Variants in SDK1 observed in about 807,000 individuals in gnomAD.
SDK1 encodes the protein sidekick cell adhesion molecule 1.
A neutral mutation model predicts 245.5 loss-of-function variants in SDK1; 157 were observed. That is an observed-to-expected ratio of 0.64 (90% CI 0.56 to 0.73). The LOEUF (loss-of-function observed/expected upper bound fraction) is 0.73. Ranked by LOEUF, SDK1 falls within the 30% of genes least tolerant of loss-of-function variation. The probability of loss-of-function intolerance (pLI) is 0.00; values close to 1 mark genes in which losing one functional copy is unlikely to be tolerated. For synonymous variants in SDK1, 1,647 were observed against 1,278.5 expected, an observed-to-expected ratio of 1.29 and a Z score of -6.15; for missense variants, 3,583 against 3,002.3, an observed-to-expected ratio of 1.19 and a Z score of -4.52.
At chr7:3,576,015 C>T (rs1425509373) in intron 1 of SDK1, among the ~76,000 whole-genome samples, 1 of 151,796 alleles carries the variant, frequency 6.6e-6, no homozygotes, top group East Asian at 1.9e-4. Context: ...TTTACCTGGA[C>T]TATGTTCAAA....
intron 5 of SDK1, among the ~76,000 whole-genome samples, chr7:3,918,398 G>C (rs1246740799): frequency 6.6e-6 from 1 of 152,156 alleles, no homozygotes; most frequent in Non-Finnish European, 1.5e-5. Context: ...TCTCGTAATA[G>C]CACGAACCCT....
At position 4,067,876 on chromosome 7, in the gene SDK1, T is replaced by C; in HGVS notation, c.2950T>C (p.Leu984=). 1 of 1,613,460 alleles carries C rather than the reference T, an allele frequency of 6.2e-7. No individual in the cohort carries two copies. Among genetic ancestry groups the C allele is most frequent in the Non-Finnish European group, 8.5e-7 (1 of 1,179,818 alleles). The change falls in exon 20 of 45, where the codon TTG becomes CTG. Residue 984 remains leucine, a synonymous_variant. Transcript: ENST00000404826. The part of the protein sequence containing the change: ...AVGHLSFTEI[L]DTSLKVSWQE... ...GGGACATCTGAGTTTCACAGAGATC[T>C]TGGACACATCTCTCAAGGTCAGCTG...
chr7:3,831,343 A>G (rs895898097), intron 5 of SDK1, among the ~76,000 whole-genome samples: 3 of 152,184 alleles, frequency 2.0e-5, no homozygotes, highest in Non-Finnish European at 2.9e-5. Context: ...TTCTACTCGT[A>G]CCTTCCCAGT....
chr7:3,514,144 G>C (rs1782662318), intron 1 of SDK1, among the ~76,000 whole-genome samples: 1 of 152,176 alleles, frequency 6.6e-6, no homozygotes, highest in Non-Finnish European at 1.5e-5. Context: ...CAGTGTTTCA[G>C]AGCAAATGTC....
At chr7:3,595,090 G>A (rs1033941690) in intron 1 of SDK1, among the ~76,000 whole-genome samples, 60 of 152,198 alleles carry the variant, frequency 3.9e-4, no homozygotes, top group African/African-American at 1.4e-3. Flanking sequence ...TTTCAGCAAC[G>A]CGTAGAAGAT....
chr7:4,109,002 G>A (rs1291015012), intron 22 of SDK1, among the ~76,000 whole-genome samples: 1 of 152,174 alleles, frequency 6.6e-6, no homozygotes, highest in Non-Finnish European at 1.5e-5. Flanking sequence ...AGCAGGTGTG[G>A]GTGCTTTGTT....
At chr7:3,816,015 A>G (rs1178608871) in intron 4 of SDK1, among the ~76,000 whole-genome samples, 6 of 143,426 alleles carry the variant, frequency 4.2e-5, no homozygotes, top group African/African-American at 1.7e-4. Context: ...TAACGAAATG[A>G]AGGCAGAAAT....
intron 17 of SDK1, among the ~76,000 whole-genome samples, chr7:4,025,930 C>A (rs1032958223): frequency 1.3e-5 from 2 of 152,242 alleles, no homozygotes; most frequent in Non-Finnish European, 2.9e-5. Context: ...CACACTGAGC[C>A]TGGCTTTGCT....
At chr7:3,735,159 AAATT>A (rs1204274325) in intron 4 of SDK1, among the ~76,000 whole-genome samples, 2 of 152,148 alleles carry the variant, frequency 1.3e-5, no homozygotes, top group Admixed American at 6.6e-5. Flanking sequence ...TTAAAAAAAA[AAATT>A]AATTGTGGTA....
intron 5 of SDK1, among the ~76,000 whole-genome samples, chr7:3,868,305 T>C (rs1449865114): frequency 6.6e-6 from 1 of 152,194 alleles, no homozygotes; most frequent in Non-Finnish European, 1.5e-5. Flanking sequence ...GTACATGAGC[T>C]GGGAGGATTT....
At chr7:3,381,585 C>T (rs1455519131) in intron 1 of SDK1, among the ~76,000 whole-genome samples, 2 of 152,034 alleles carry the variant, frequency 1.3e-5, no homozygotes, top group Admixed American at 6.5e-5. Context: ...CTGTAGCATG[C>T]TTAGTTCTAA....
rs1019149363 is a variant in SDK1, at chr7:3,615,062, G to A, written c.299-4018G>A. 6.6e-5 allele frequency among the ~76,000 whole-genome samples: 10 copies of A among 151,604 alleles called. 1 individual carries two copies. The highest frequency in any genetic ancestry group is 7.4e-5 in the Non-Finnish European group (5 of 67,844). On this transcript the variant is annotated intron_variant, in intron 1 of 44. Transcript: ENST00000404826. Reference sequence around the variant, plus strand: ...TTGTATACTATATTAAAATGATGATGCTCTATCAATAGCAAAACCAAATTC... The same window carrying A: ...TTGTATACTATATTAAAATGATGATACTCTATCAATAGCAAAACCAAATTC...
intron 5 of SDK1, among the ~76,000 whole-genome samples, chr7:3,873,161 T>A (rs1780997310): frequency 6.6e-6 from 1 of 152,102 alleles, no homozygotes. Flanking sequence ...GATTTGTTTT[T>A]GTCTGAAAAG....
intron 38 of SDK1, among the ~76,000 whole-genome samples, chr7:4,218,189 A>C (rs1196010494): frequency 6.6e-6 from 1 of 152,162 alleles, no homozygotes; most frequent in Non-Finnish European, 1.5e-5. Flanking sequence ...AGATCACTTG[A>C]GGTCAGGAGT....
chr7:3,694,460 G>C (rs1220736603), intron 4 of SDK1, among the ~76,000 whole-genome samples: 1 of 152,158 alleles, frequency 6.6e-6, no homozygotes, highest in Non-Finnish European at 1.5e-5. Context: ...TAGTGGACTT[G>C]GCCGTGTACA....
rs574813745 is a variant in SDK1, at chr7:3,327,679, A to G, written c.298+25795A>G. Among the ~76,000 whole-genome samples, 312 of 152,292 alleles carry G rather than the reference A, an allele frequency of 2.0e-3. 2 individuals are homozygous for G. The highest frequency in any genetic ancestry group is 7.1e-3 in the African/African-American group (294 of 41,582). ...ATAAAAAAAAAATCCTGACAGCAGA[A>G]TGTTTCCTAACTCATTTAGAAGCAA... On this transcript the variant is annotated intron_variant, in intron 1 of 44. Transcript: ENST00000404826.
intron 4 of SDK1, among the ~76,000 whole-genome samples, chr7:3,753,686 A>C (rs1779839539): frequency 6.6e-6 from 1 of 152,184 alleles, no homozygotes; most frequent in Non-Finnish European, 1.5e-5. Context: ...CAGGTGTCTG[A>C]CTATAGTGGG....
intron 2 of SDK1, among the ~76,000 whole-genome samples, chr7:3,625,293 T>G (rs746408359): frequency 2.2e-4 from 34 of 152,154 alleles, no homozygotes; most frequent in Non-Finnish European, 4.4e-4. Context: ...TTACAAATAT[T>G]TACAAGTTTT....
At chr7:3,494,444 C>T (rs1781959458) in intron 1 of SDK1, among the ~76,000 whole-genome samples, 1 of 152,014 alleles carries the variant, frequency 6.6e-6, no homozygotes, top group African/African-American at 2.4e-5. Flanking sequence ...AGGGTATCAA[C>T]ATTATGGGAA....
Sources: allele counts gnomAD v4.1 joint callset (sites outside exome capture counted in the v4.1 genomes callset), GRCh38; gene constraint gnomAD v4.1.1; transcripts MANE v1.5; gene names NCBI Gene and HGNC (gene_info 2026-07-23, HGNC 2026-07-21).